MARCHF1: variants seen among roughly 807,000 people sequenced by gnomAD.
MARCHF1 encodes membrane associated ring-CH-type finger 1, also known as E3 ubiquitin-protein ligase MARCHF1.
Under a neutral mutation model 54.2 loss-of-function variants are expected in MARCHF1, and 40 were observed. The observed-to-expected ratio is 0.74, with a 90% confidence interval of 0.57 to 0.96. The LOEUF (loss-of-function observed/expected upper bound fraction) is 0.96, where lower values mean the gene tolerates loss of function less well. Among genes scored for constraint, MARCHF1 ranks in the 40% least tolerant of loss-of-function variants. The pLI, the probability that MARCHF1 is intolerant of heterozygous loss-of-function variation, is 0.00. For synonymous variants in MARCHF1, 236 were observed against 236.3 expected, an observed-to-expected ratio of 1.00 and a Z score of 0.01; for missense variants, 586 against 656.5, an observed-to-expected ratio of 0.89 and a Z score of 1.17.
intron 3 of MARCHF1, among the ~76,000 whole-genome samples, chr4:163,944,137 T>A (rs1481208695): frequency 5.8e-5 from 6 of 103,322 alleles, no homozygotes; most frequent in Non-Finnish European, 1.1e-4. Context: ...GGGCTAATTT[T>A]TTTTTTTTTT....
chr4:163,586,090 A>T (rs1264919172), intron 7 of MARCHF1, among the ~76,000 whole-genome samples, 161 bp from the exon 8 acceptor site: 3 of 152,204 alleles, frequency 2.0e-5, no homozygotes, highest in Non-Finnish European at 4.4e-5. Flanking sequence ...CAAATCTATG[A>T]TCAATACGGA....
chr4:163,578,598 A>G (rs907988337), intron 8 of MARCHF1, among the ~76,000 whole-genome samples: 3 of 152,152 alleles, frequency 2.0e-5, no homozygotes, highest in African/African-American at 7.2e-5. Context: ...AGAACAAAAG[A>G]GAGAAACATT....
chr4:164,048,559 A>G (rs1221960400), intron 2 of MARCHF1, among the ~76,000 whole-genome samples: 1 of 152,174 alleles, frequency 6.6e-6, no homozygotes, highest in Non-Finnish European at 1.5e-5. Context: ...GGGAATTACT[A>G]TATTTTGTAA....
chr4:163,925,614 T>C (rs1751520340), intron 3 of MARCHF1, among the ~76,000 whole-genome samples: 1 of 151,758 alleles, frequency 6.6e-6, no homozygotes, highest in Admixed American at 6.6e-5. Context: ...AAAAGAAACT[T>C]AATGTAAACT....
At chr4:164,303,870 C>T (rs1178125073) in intron 1 of MARCHF1, among the ~76,000 whole-genome samples, 1 of 152,100 alleles carries the variant, frequency 6.6e-6, no homozygotes, top group Non-Finnish European at 1.5e-5. Flanking sequence ...TTCTTATTTG[C>T]TATTAGGAAA....
intron 4 of MARCHF1, among the ~76,000 whole-genome samples, chr4:163,795,780 T>C (rs1011793358): frequency 1.3e-5 from 2 of 152,176 alleles, no homozygotes; most frequent in African/African-American, 4.8e-5. Flanking sequence ...CCACATGTAG[T>C]CAAAAATTTA....
intron 3 of MARCHF1, among the ~76,000 whole-genome samples, chr4:163,861,335 A>G (rs72685644): frequency 0.086 from 13,027 of 152,140 alleles, 554 homozygotes; most frequent in Middle Eastern, 0.11. Context: ...TTTGTAACAT[A>G]TGTACAACCA....
At chr4:164,021,867 T>TTTTATA (rs1553970643) in intron 2 of MARCHF1, among the ~76,000 whole-genome samples, 1 of 146,996 alleles carries the variant, frequency 6.8e-6, no homozygotes, top group Non-Finnish European at 1.5e-5. Context: ...AAAAAAAAAA[T>TTTTATA]TATATATATA....
chr4:163,968,882 T>C (rs375235374), intron 3 of MARCHF1, among the ~76,000 whole-genome samples: 25 of 152,242 alleles, frequency 1.6e-4, no homozygotes, highest in African/African-American at 5.8e-4. Flanking sequence ...TCACTGTGTC[T>C]AGACAAAGTG....
At chr4:164,182,921 T>C (rs979846947) in intron 1 of MARCHF1, among the ~76,000 whole-genome samples, 3 of 152,152 alleles carry the variant, frequency 2.0e-5, no homozygotes, top group South Asian at 4.1e-4. Context: ...TGTCAAATGA[T>C]AGAGTCTCAG....
chr4:163,719,363 T>C (rs1056127204), intron 4 of MARCHF1, among the ~76,000 whole-genome samples: 10 of 152,214 alleles, frequency 6.6e-5, no homozygotes, highest in African/African-American at 2.4e-4. Context: ...CATGAACTCA[T>C]CCTTTTTTGT....
At chr4:164,325,313 A>G (rs1029163440) in intron 1 of MARCHF1, among the ~76,000 whole-genome samples, 2 of 145,074 alleles carry the variant, frequency 1.4e-5, no homozygotes, top group Non-Finnish European at 3.0e-5. Context: ...GACAAGGACC[A>G]GTGAGTTGGT....
intron 8 of MARCHF1, among the ~76,000 whole-genome samples, chr4:163,571,745 C>T (rs1467345351): frequency 6.6e-6 from 1 of 152,068 alleles, no homozygotes; most frequent in Admixed American, 6.6e-5. Flanking sequence ...CAAATCTACA[C>T]TGGGGTTTTT....
intron 8 of MARCHF1, among the ~76,000 whole-genome samples, chr4:163,557,100 T>G (rs543787564): frequency 1.3e-5 from 2 of 152,242 alleles, no homozygotes; most frequent in Admixed American, 1.3e-4. Flanking sequence ...GGGTTGGAGG[T>G]ATACATAATC....
At chr4:163,738,219 A>G (rs1458907424) in intron 4 of MARCHF1, among the ~76,000 whole-genome samples, 1 of 152,224 alleles carries the variant, frequency 6.6e-6, no homozygotes, top group Non-Finnish European at 1.5e-5. Context: ...TGTAGAGGAC[A>G]CATTTTAATC....
intron 4 of MARCHF1, among the ~76,000 whole-genome samples, chr4:163,764,675 G>A (rs1379571559): frequency 2.0e-5 from 3 of 152,044 alleles, no homozygotes; most frequent in African/African-American, 7.2e-5. Context: ...CCATGTAAAT[G>A]TATTAATAGA....
chr4:163,608,511 A>G (rs541629583), intron 7 of MARCHF1, among the ~76,000 whole-genome samples: 3 of 152,222 alleles, frequency 2.0e-5, no homozygotes, highest in African/African-American at 7.2e-5. Context: ...AAAAGTTTCA[A>G]TCATGGGCTA....
chr4:163,682,911 C>T (rs755382773), intron 5 of MARCHF1, among the ~76,000 whole-genome samples: 4 of 152,102 alleles, frequency 2.6e-5, no homozygotes, highest in Non-Finnish European at 4.4e-5. Flanking sequence ...TCTTTATTAG[C>T]AGTGTGAGAA....
chr4:164,009,515 C>T (rs182529288), intron 2 of MARCHF1, among the ~76,000 whole-genome samples: 40 of 152,260 alleles, frequency 2.6e-4, no homozygotes, highest in Admixed American at 2.6e-3. Flanking sequence ...GGGTCAATAT[C>T]ATTGATTAAC....
Sources: gnomAD v4.1 joint callset for allele counts (sites outside exome capture counted in the v4.1 genomes callset) on GRCh38, gnomAD v4.1.1 for gene constraint, MANE v1.5 for transcripts, NCBI Gene and HGNC (gene_info 2026-07-23, HGNC 2026-07-21) for gene names.